The following CSMD1 variants were observed in gnomAD, a reference collection of about 807,000 sequenced individuals.
CSMD1 encodes the protein CUB and sushi domain-containing protein 1.
CSMD1 carries 213 observed loss-of-function variants against 417.5 expected under a neutral mutation model. The ratio of observed to expected loss-of-function variants is 0.51; its 90% CI spans 0.46 to 0.57. CSMD1 has a LOEUF of 0.57. Ranked by LOEUF, CSMD1 falls within the 20% of genes least tolerant of loss-of-function variation. The pLI, the probability that CSMD1 is intolerant of heterozygous loss-of-function variation, is 0.00. For missense variants in CSMD1, 6,923 were observed against 4,529.7 expected (o/e 1.53, Z -15.17); for synonymous variants, 2,862 against 1,736.8 (o/e 1.65, Z -16.11).
At chr8:3,541,193 G>A (rs1219676653) in intron 10 of CSMD1, among the ~76,000 whole-genome samples, 1 of 152,204 alleles carries the variant, frequency 6.6e-6, no homozygotes, top group Non-Finnish European at 1.5e-5. Context: ...GGAATGCTAT[G>A]CAGCCATAAG....
chr8:3,805,793 A>G (rs186476167), intron 5 of CSMD1, among the ~76,000 whole-genome samples: 108 of 152,178 alleles, frequency 7.1e-4, no homozygotes, highest in Non-Finnish European at 1.2e-3. Flanking sequence ...GAGTCATCTC[A>G]TTCACTCTGT....
intron 3 of CSMD1, among the ~76,000 whole-genome samples, chr8:4,146,357 G>A (rs886712800): frequency 6.6e-6 from 1 of 150,642 alleles, no homozygotes; most frequent in Non-Finnish European, 1.5e-5. Context: ...ATAAGCTTCA[G>A]CCCAACATCG....
chr8:4,219,222 T>G (rs987044152), intron 3 of CSMD1, among the ~76,000 whole-genome samples: 1 of 152,198 alleles, frequency 6.6e-6, no homozygotes, highest in African/African-American at 2.4e-5. Context: ...TTTTTCACCC[T>G]CTTTTACCAC....
At chr8:4,169,256 C>G (rs939706539) in intron 3 of CSMD1, among the ~76,000 whole-genome samples, 2 of 152,120 alleles carry the variant, frequency 1.3e-5, no homozygotes, top group Non-Finnish European at 2.9e-5. Flanking sequence ...ACACAGATGT[C>G]TGATGGGTGC....
intron 5 of CSMD1, among the ~76,000 whole-genome samples, chr8:3,832,951 C>T (rs142809242): frequency 2.0e-5 from 3 of 152,196 alleles, no homozygotes; most frequent in African/African-American, 7.2e-5. Flanking sequence ...AATATTTTAA[C>T]AAGTGAATAT....
chr8:3,052,773 TTTTTTTTCTTTC>T lies in CSMD1; in HGVS notation c.7475-138_7475-127del, dbSNP rs1422512809. 8 of 628,880 alleles carry T rather than the reference TTTTTTTTCTTTC, an allele frequency of 1.3e-5. No homozygotes were observed. The South Asian group carries it at 1.5e-4, about 12-fold the overall frequency. 39.0% of individuals were successfully genotyped at this position (628,880 alleles called of 1,614,324 possible). On this transcript the variant is annotated intron_variant, in intron 49 of 69. Transcript: ENST00000635120. ...CATTAAAATTGTGAATTATATTTCT[TTTTTTTTCTTTC>T]TTTTTTTTTTCTGGAGACAAGAGTT... is the stretch of plus-strand genomic sequence containing the variant.
chr8:4,572,328 C>G (rs73500512), intron 2 of CSMD1, among the ~76,000 whole-genome samples: 8,141 of 152,178 alleles, frequency 0.053, 683 homozygotes, highest in African/African-American at 0.18. Context: ...ACAAAATCCC[C>G]CAGAATTTGC....
intron 5 of CSMD1, among the ~76,000 whole-genome samples, chr8:3,798,480 G>T (rs973044524): frequency 6.6e-6 from 1 of 151,934 alleles, no homozygotes; most frequent in African/African-American, 2.4e-5. Flanking sequence ...CATATCTTGT[G>T]GATATACTGC....
At chr8:3,941,735 C>G (rs1366813081) in intron 5 of CSMD1, among the ~76,000 whole-genome samples, 3 of 152,080 alleles carry the variant, frequency 2.0e-5, no homozygotes, top group Non-Finnish European at 2.9e-5. Context: ...AACTACAGAG[C>G]TAAATCTTGC....
At chr8:4,402,924 A>C (rs1271830798) in intron 3 of CSMD1, among the ~76,000 whole-genome samples, 1 of 139,176 alleles carries the variant, frequency 7.2e-6, no homozygotes, top group Admixed American at 8.1e-5. Context: ...GGTTCATGCC[A>C]TTCTCCTGTC....
intron 10 of CSMD1, among the ~76,000 whole-genome samples, chr8:3,539,606 C>G (rs1295754476): frequency 6.6e-6 from 1 of 152,092 alleles, no homozygotes; most frequent in African/African-American, 2.4e-5. Flanking sequence ...AAACACAGCT[C>G]TGCCCCTCTA....
At chr8:4,446,011 C>T (rs192140464) in intron 2 of CSMD1, among the ~76,000 whole-genome samples, 4 of 152,114 alleles carry the variant, frequency 2.6e-5, no homozygotes, top group Non-Finnish European at 4.4e-5. Flanking sequence ...AGCACCCTGA[C>T]TCTGTGCCAA....
chr8:3,714,724 G>A (rs367693575), intron 6 of CSMD1, among the ~76,000 whole-genome samples: 1 of 152,022 alleles, frequency 6.6e-6, no homozygotes, highest in African/African-American at 2.4e-5. Context: ...GCCACACAGT[G>A]AGACCCTTTA....
chr8:3,257,937 C>A (rs1442530129), intron 26 of CSMD1, among the ~76,000 whole-genome samples: 1 of 152,046 alleles, frequency 6.6e-6, no homozygotes, highest in South Asian at 2.1e-4. Flanking sequence ...ATTAATGTAG[C>A]CACTGTGTTC....
chr8:3,469,790 C>T (rs111344971), intron 11 of CSMD1, among the ~76,000 whole-genome samples: 1 of 152,092 alleles, frequency 6.6e-6, no homozygotes, highest in African/African-American at 2.4e-5. Flanking sequence ...GAACAACTGT[C>T]ATTATATGTG....
intron 7 of CSMD1, among the ~76,000 whole-genome samples, chr8:3,701,346 C>T (rs189015486): frequency 2.6e-5 from 4 of 152,060 alleles, no homozygotes; most frequent in Non-Finnish European, 5.9e-5. Context: ...CATGATAATT[C>T]ATGACTTCTC....
At chr8:4,424,691 C>T (rs1021677474) in intron 2 of CSMD1, among the ~76,000 whole-genome samples, 1 of 152,018 alleles carries the variant, frequency 6.6e-6, no homozygotes, top group Non-Finnish European at 1.5e-5. Flanking sequence ...CACGTAACTG[C>T]CATCTGACCA....
intron 3 of CSMD1, among the ~76,000 whole-genome samples, chr8:4,325,377 A>G (rs906289484): frequency 3.3e-5 from 5 of 152,164 alleles, no homozygotes; most frequent in African/African-American, 1.2e-4. Flanking sequence ...CCCAAGAGAC[A>G]GACCTCCAAA....
At chr8:4,065,368 T>C (rs999656610) in intron 3 of CSMD1, among the ~76,000 whole-genome samples, 1 of 152,232 alleles carries the variant, frequency 6.6e-6, no homozygotes, top group Non-Finnish European at 1.5e-5. Context: ...GGATAGTTAG[T>C]AAAAGTTTAT....
Sources: allele counts gnomAD v4.1 joint callset (sites outside exome capture counted in the v4.1 genomes callset), GRCh38; gene constraint gnomAD v4.1.1; transcripts MANE v1.5; gene names NCBI Gene and HGNC (gene_info 2026-07-23, HGNC 2026-07-21).